Variants in MARCHF1 observed in about 807,000 individuals in gnomAD.
MARCHF1 encodes membrane associated ring-CH-type finger 1, also known as E3 ubiquitin-protein ligase MARCHF1.
In MARCHF1, 40 loss-of-function variants were observed where a neutral mutation model predicts 54.2. That is an observed-to-expected ratio of 0.74 (90% CI 0.57 to 0.96). The LOEUF (loss-of-function observed/expected upper bound fraction) is 0.96, where lower values mean the gene tolerates loss of function less well. Ranked by LOEUF, MARCHF1 falls within the 40% of genes least tolerant of loss-of-function variation. The pLI, the probability that MARCHF1 is intolerant of heterozygous loss-of-function variation, is 0.00. For synonymous variants in MARCHF1, 236 were observed against 236.3 expected (o/e 1.00, Z 0.01); for missense variants, 586 against 656.5 (o/e 0.89, Z 1.17).
At chr4:163,692,031 G>A (rs2111203536) in intron 5 of MARCHF1, among the ~76,000 whole-genome samples, 1 of 152,320 alleles carries the variant, frequency 6.6e-6, no homozygotes, top group East Asian at 1.9e-4. Context: ...TCTGGCAGAG[G>A]TTCCCTACGG....
At chr4:163,795,397 T>C (rs1213876685) in intron 4 of MARCHF1, among the ~76,000 whole-genome samples, 1 of 152,100 alleles carries the variant, frequency 6.6e-6, no homozygotes, top group African/African-American at 2.4e-5. Flanking sequence ...GCCCAGCTAA[T>C]TTTTGTATTT....
chr4:164,109,275 A>C (rs1755777850), intron 2 of MARCHF1, among the ~76,000 whole-genome samples: 1 of 152,048 alleles, frequency 6.6e-6, no homozygotes, highest in Non-Finnish European at 1.5e-5. Flanking sequence ...CAGACAGTCC[A>C]AGATAAGATC....
intron 3 of MARCHF1, among the ~76,000 whole-genome samples, chr4:163,894,461 C>T (rs1283887453): frequency 6.6e-6 from 1 of 151,432 alleles, no homozygotes; most frequent in Non-Finnish European, 1.5e-5. Context: ...AAGAGATAAA[C>T]TTCAATGCCA....
intron 3 of MARCHF1, among the ~76,000 whole-genome samples, chr4:163,911,162 G>A (rs1373110375): frequency 1.3e-5 from 2 of 152,190 alleles, no homozygotes; most frequent in Non-Finnish European, 1.5e-5. Flanking sequence ...GACTACAGAC[G>A]ACAATTTTTA....
At chr4:164,005,070 T>C (rs797005987) in intron 2 of MARCHF1, among the ~76,000 whole-genome samples, 12 of 151,490 alleles carry the variant, frequency 7.9e-5, no homozygotes, top group African/African-American at 2.9e-4. Context: ...AAAAGATAAA[T>C]AAATCAAAAG....
intron 4 of MARCHF1, among the ~76,000 whole-genome samples, chr4:163,791,981 G>A (rs571242117): frequency 3.3e-5 from 5 of 152,218 alleles, no homozygotes; most frequent in Admixed American, 2.0e-4. Flanking sequence ...TTCTGAGACC[G>A]TTTCTTGCTG....
At chr4:163,841,447 A>AT (rs892174016) in intron 4 of MARCHF1, among the ~76,000 whole-genome samples, 51 of 45,522 alleles carry the variant, frequency 1.1e-3, no homozygotes, top group East Asian at 3.5e-3. Context: ...AATAGAGTCT[A>AT]TTTTTTTTAA....
chr4:163,898,753 C>T (rs1384731416), intron 3 of MARCHF1, among the ~76,000 whole-genome samples: 1 of 152,172 alleles, frequency 6.6e-6, no homozygotes, highest in Non-Finnish European at 1.5e-5. Context: ...CATTGCAGCA[C>T]TACTGACAAT....
intron 3 of MARCHF1, among the ~76,000 whole-genome samples, chr4:163,934,576 TAAA>T (rs551026107): frequency 0.1 from 7,882 of 77,958 alleles, 260 homozygotes; most frequent in Middle Eastern, 0.15. Context: ...TCTTTTTAAG[TAAA>T]AAAAAAAAAA....
Position 163,612,778 on chromosome 4 carries a change from C to G in MARCHF1, c.503G>C (p.Ser168Thr). 1 of 1,535,480 alleles carries G rather than the reference C, an allele frequency of 6.5e-7. No individual in the cohort carries two copies. The highest frequency in any genetic ancestry group is 8.7e-7 in the Non-Finnish European group (1 of 1,146,560). Residue 168 changes from serine to threonine, a missense_variant, in exon 7 of 10, where the codon AGT (serine) becomes ACT (threonine). Physicochemically the swap from Ser to Thr is moderately conservative, Grantham distance 58. This residue lies in a region of MARCHF1 where 387 missense variants were observed against 394.6 expected (regional missense o/e 0.98). Transcript: ENST00000514618. Reference sequence around the variant, plus strand: ...TCTTCTTTTTGCCTGAATCCAATGACTCTCATCTGTGGAAGATGAATCTGA... The same window carrying G: ...TCTTCTTTTTGCCTGAATCCAATGAGTCTCATCTGTGGAAGATGAATCTGA... ...DSSDSSSTDE[S>T]HWIQAKRRAQ... is the part of the protein sequence containing the mutation.
intron 2 of MARCHF1, among the ~76,000 whole-genome samples, chr4:164,061,307 C>A (rs1234999063): frequency 2.0e-5 from 3 of 151,122 alleles, no homozygotes; most frequent in African/African-American, 7.3e-5. Context: ...TACAGCTTTC[C>A]CCACTTTTAT....
intron 9 of MARCHF1, among the ~76,000 whole-genome samples, chr4:163,529,355 T>A (rs1249201333): frequency 1.3e-5 from 2 of 152,062 alleles, no homozygotes; most frequent in Admixed American, 6.6e-5. Context: ...TTTGGACATT[T>A]GGACACTGAC....
At chr4:163,800,135 G>C (rs1431323165) in intron 4 of MARCHF1, among the ~76,000 whole-genome samples, 1 of 151,988 alleles carries the variant, frequency 6.6e-6, no homozygotes, top group Admixed American at 6.6e-5. Context: ...GGAACTACTA[G>C]GGCTGGGAAC....
intron 1 of MARCHF1, among the ~76,000 whole-genome samples, chr4:164,264,769 A>T (rs1255376861): frequency 6.6e-6 from 1 of 151,932 alleles, no homozygotes; most frequent in Non-Finnish European, 1.5e-5. Context: ...AAAATACAAA[A>T]ATTAGCTGGA....
At chr4:163,996,003 T>G (rs1057191063) in intron 2 of MARCHF1, among the ~76,000 whole-genome samples, 1 of 152,218 alleles carries the variant, frequency 6.6e-6, no homozygotes, top group African/African-American at 2.4e-5. Flanking sequence ...ATATATTTTA[T>G]AATATAATTC....
chr4:163,631,508 T>C (rs1742081052), intron 5 of MARCHF1, among the ~76,000 whole-genome samples: 1 of 152,188 alleles, frequency 6.6e-6, no homozygotes, highest in African/African-American at 2.4e-5. Context: ...ATTCTTATAA[T>C]GTGGCAAGAT....
intron 8 of MARCHF1, among the ~76,000 whole-genome samples, chr4:163,569,278 C>T (rs1186545671): frequency 2.6e-5 from 4 of 152,188 alleles, no homozygotes; most frequent in Admixed American, 6.6e-5. Flanking sequence ...AGCTGGGTCA[C>T]GATAGCCACG....
chr4:163,614,584 T>C (rs1741452888), intron 5 of MARCHF1, among the ~76,000 whole-genome samples: 1 of 152,142 alleles, frequency 6.6e-6, no homozygotes, highest in Non-Finnish European at 1.5e-5. Flanking sequence ...TAATCATGAT[T>C]CTGAAATCCA....
intron 3 of MARCHF1, among the ~76,000 whole-genome samples, chr4:163,868,408 C>T (rs1750101119): frequency 2.6e-5 from 4 of 151,770 alleles, no homozygotes; most frequent in African/African-American, 9.7e-5. Flanking sequence ...TCTTTAAATA[C>T]AAACAAAATG....
Sources: gnomAD v4.1 joint callset for allele counts (sites outside exome capture counted in the v4.1 genomes callset) on GRCh38, gnomAD v4.1.1 for gene constraint, gnomAD v4.1.1 regional missense constraint, MANE v1.5 for transcripts, NCBI Gene and HGNC (gene_info 2026-07-23, HGNC 2026-07-21) for gene names.